The following GALNT18 variants were observed in gnomAD, a reference collection of about 807,000 sequenced individuals.
The protein encoded by GALNT18 is GalNAc-transferase 18.
Under a neutral mutation model 69.5 loss-of-function variants are expected in GALNT18, and 44 were observed. The ratio of observed to expected loss-of-function variants is 0.63; its 90% confidence interval spans 0.50 to 0.81. The LOEUF (loss-of-function observed/expected upper bound fraction) is 0.81, where lower values mean the gene tolerates loss of function less well. Ranked by LOEUF, GALNT18 falls within the 40% of genes least tolerant of loss-of-function variation. The probability of loss-of-function intolerance (pLI) is 0.00; values close to 1 mark genes in which losing one functional copy is unlikely to be tolerated. For synonymous variants in GALNT18, 364 were observed against 318.2 expected, an observed-to-expected ratio of 1.14 and a Z score of -1.53; for missense variants, 715 against 810.0, an observed-to-expected ratio of 0.88 and a Z score of 1.42.
chr11:11,326,131 G>A (rs1849913808), intron 9 of GALNT18, among the ~76,000 whole-genome samples: 3 of 143,742 alleles, frequency 2.1e-5, no homozygotes, highest in Non-Finnish European at 4.5e-5. Flanking sequence ...TGCAAGCTCT[G>A]CCTCCCGGGT....
At chr11:11,488,921 C>G (rs1856700517) in intron 1 of GALNT18, among the ~76,000 whole-genome samples, 1 of 152,148 alleles carries the variant, frequency 6.6e-6, no homozygotes, top group South Asian at 2.1e-4. Context: ...ACTGTAGACC[C>G]CAAGGCCCAA....
intron 8 of GALNT18, among the ~76,000 whole-genome samples, chr11:11,329,772 G>A (rs989327772): frequency 7.2e-5 from 11 of 152,168 alleles, no homozygotes; most frequent in African/African-American, 1.9e-4. Flanking sequence ...AAAAACATGC[G>A]TAAATGACTG....
intron 1 of GALNT18, among the ~76,000 whole-genome samples, chr11:11,544,968 A>G (rs960162065): frequency 1.3e-5 from 2 of 152,184 alleles, no homozygotes; most frequent in Admixed American, 1.3e-4. Flanking sequence ...CAAAGCTCTT[A>G]ATTACTACAC....
At chr11:11,335,106 C>T (rs1850088413) in intron 7 of GALNT18, among the ~76,000 whole-genome samples, 1 of 152,188 alleles carries the variant, frequency 6.6e-6, no homozygotes, top group African/African-American at 2.4e-5. Context: ...AGTAGAAGAA[C>T]CTGTCTCACA....
chr11:11,589,343 G>A lies in GALNT18; in HGVS notation c.235+32016C>T, dbSNP rs548142569. Among the ~76,000 whole-genome samples, 3 of 152,260 alleles carry A rather than the reference G, an allele frequency of 2.0e-5. No homozygotes were observed. The East Asian group carries it at 5.8e-4, about 29-fold the overall frequency. ...CTCTGAATAAACAAGATCAAGAGCTGTAAAGAAAAAAACCAAAACAGACAA... is the reference window on the plus strand; with the variant it reads ...CTCTGAATAAACAAGATCAAGAGCTATAAAGAAAAAAACCAAAACAGACAA... On this transcript the variant is annotated intron_variant, in intron 1 of 10. Transcript: ENST00000227756.
At chr11:11,506,496 T>C (rs1331894620) in intron 1 of GALNT18, among the ~76,000 whole-genome samples, 2 of 152,190 alleles carry the variant, frequency 1.3e-5, no homozygotes, top group Non-Finnish European at 2.9e-5. Context: ...GCGTTTCGTG[T>C]GCAGGGCGAC....
chr11:11,378,827 T>G (rs183520734), intron 4 of GALNT18, among the ~76,000 whole-genome samples: 1 of 152,284 alleles, frequency 6.6e-6, no homozygotes, highest in East Asian at 1.9e-4. Context: ...CAGAGTCACA[T>G]GTGATGTCAC....
At chr11:11,285,295 T>C (rs547741784) in intron 10 of GALNT18, among the ~76,000 whole-genome samples, 2 of 152,160 alleles carry the variant, frequency 1.3e-5, no homozygotes, top group Non-Finnish European at 2.9e-5. Flanking sequence ...ACTTAATCTC[T>C]CCATGCCTCA....
intron 1 of GALNT18, among the ~76,000 whole-genome samples, chr11:11,581,841 C>A (rs1304944695): frequency 1.3e-5 from 2 of 152,162 alleles, no homozygotes; most frequent in Admixed American, 6.5e-5. Context: ...ATGCTGGGAG[C>A]CTCTTTTCTT....
At position 11,592,672 on chromosome 11, in the gene GALNT18, C is replaced by A. The variant is rs1282705253; in HGVS notation, c.235+28687G>T. Among the ~76,000 whole-genome samples, 4 of 152,144 alleles carry A rather than the reference C, an allele frequency of 2.6e-5. No homozygotes were observed. The highest frequency in any genetic ancestry group is 2.0e-4 in the Admixed American group (3 of 15,284). On this transcript the variant is annotated intron_variant, in intron 1 of 10. Coordinates refer to ENST00000227756, the MANE Select transcript of GALNT18 (RefSeq NM_198516.3). This position sits in a 1 kb window ranked among gnomAD's most constrained non-coding sequence, Gnocchi z 5.9. ...GAACATCCTTCATGTAAAAATCCCACCACTCCCCAAAGCACATTTGGGAGT... is the reference window on the plus strand; with the variant it reads ...GAACATCCTTCATGTAAAAATCCCAACACTCCCCAAAGCACATTTGGGAGT...
rs1012267880 is a variant in GALNT18, at chr11:11,402,605, G to C, written c.596-23341C>G. ...TGGAGAGAAGGATTGCACATGGCAT[G>C]GCTTTCTGTCCTCAAACTTCATTAT... On this transcript the variant is annotated intron_variant, in intron 3 of 10. Transcript: ENST00000227756. This position sits in a 1 kb window ranked among gnomAD's most constrained non-coding sequence, Gnocchi z 4.0. 4.6e-5 allele frequency among the ~76,000 whole-genome samples: 7 copies of C among 152,214 alleles called. No homozygotes were observed. The highest frequency in any genetic ancestry group is 1.7e-4 in the African/African-American group (7 of 41,456).
intron 10 of GALNT18, among the ~76,000 whole-genome samples, chr11:11,277,698 G>A (rs1848979803): frequency 6.6e-6 from 1 of 152,092 alleles, no homozygotes; most frequent in African/African-American, 2.4e-5. Context: ...CTGGTATGTT[G>A]TGTCTTTGTT....
At chr11:11,395,120 C>T (rs1854296593) in intron 3 of GALNT18, among the ~76,000 whole-genome samples, 2 of 152,264 alleles carry the variant, frequency 1.3e-5, no homozygotes, top group Admixed American at 1.3e-4. Flanking sequence ...CAGTGCCAGG[C>T]ACCCATCTTT....
At chr11:11,357,583 C>A (rs1473014310) in intron 6 of GALNT18, among the ~76,000 whole-genome samples, 3 of 152,212 alleles carry the variant, frequency 2.0e-5, no homozygotes, top group African/African-American at 7.2e-5. Context: ...CACTTGCTTT[C>A]TCAGAGCACA....
intron 3 of GALNT18, among the ~76,000 whole-genome samples, chr11:11,417,756 G>C (rs1447826069): frequency 6.6e-6 from 1 of 152,188 alleles, no homozygotes; most frequent in Non-Finnish European, 1.5e-5. Flanking sequence ...ATAGAACAAG[G>C]TTAAGGACTC....
chr11:11,420,380 T>TG, intron 3 of GALNT18, among the ~76,000 whole-genome samples: 1 of 152,176 alleles, frequency 6.6e-6, no homozygotes, highest in Non-Finnish European at 1.5e-5. Context: ...GGGCAGCAGC[T>TG]GGGGTGGCTA....
chr11:11,275,123 G>A (rs565505379), intron 10 of GALNT18, among the ~76,000 whole-genome samples: 1 of 152,348 alleles, frequency 6.6e-6, no homozygotes, highest in South Asian at 2.1e-4. Flanking sequence ...TGGCCACACT[G>A]TCTTCCACAA....
At chr11:11,448,975 C>A (rs375035083) in intron 1 of GALNT18, 39 bp from the exon 2 acceptor site, 31 of 1,472,834 alleles carry the variant, frequency 2.1e-5, no homozygotes, top group Non-Finnish European at 2.5e-5. Context: ...GGTCAGAGTG[C>A]ACCCCTGCAT....
rs1055810353 is a variant in GALNT18 at position 11,602,288 on chromosome 11, A to G, written c.235+19071T>C. On this transcript the variant is annotated intron_variant, in intron 1 of 10. Coordinates refer to ENST00000227756, the MANE Select transcript of GALNT18 (RefSeq NM_198516.3). The surrounding 1 kb of genome is among the most constrained non-coding windows in gnomAD (Gnocchi z 4.7). ...TACATGTGAGCCAGGGATAGGGGCA[A>G]TCAGGGCCTAGTATTCTCAACACAG... is the stretch of plus-strand genomic sequence containing the variant. Among the ~76,000 whole-genome samples the G allele has an allele frequency of 2.0e-5, 3 of 152,142 alleles. No homozygotes were observed. The highest frequency in any genetic ancestry group is 7.2e-5 in the African/African-American group (3 of 41,436).
Sources: gnomAD v4.1 joint callset for allele counts (sites outside exome capture counted in the v4.1 genomes callset) on GRCh38, gnomAD v4.1.1 for gene constraint, Gnocchi (gnomAD v3.1) non-coding constraint, MANE v1.5 for transcripts, NCBI Gene and HGNC (gene_info 2026-07-23, HGNC 2026-07-21) for gene names.